SPATS2: variants seen among roughly 807,000 people sequenced by gnomAD.
The protein encoded by SPATS2 is spermatogenesis associated serine rich 2.
A neutral mutation model predicts 63.7 loss-of-function variants in SPATS2; 38 were observed. The ratio of observed to expected loss-of-function variants is 0.60; its 90% CI spans 0.46 to 0.78. SPATS2 has a LOEUF of 0.78. Among genes scored for constraint, SPATS2 ranks in the 30% least tolerant of loss-of-function variants. The pLI, the probability that SPATS2 is intolerant of heterozygous loss-of-function variation, is 0.00. For synonymous variants in SPATS2, 207 were observed against 232.9 expected (o/e 0.89, Z 1.01); for missense variants, 588 against 666.2 (o/e 0.88, Z 1.29).
At chr12:49,415,875 T>G (rs1257663451) in intron 2 of SPATS2, among the ~76,000 whole-genome samples, 3 of 152,136 alleles carry the variant, frequency 2.0e-5, no homozygotes, top group Admixed American at 2.0e-4. Context: ...CAGACTGTAG[T>G]TTGCTCATCT....
At chr12:49,438,835 T>C (rs7962951) in intron 2 of SPATS2, among the ~76,000 whole-genome samples, 44,861 of 152,082 alleles carry the variant, frequency 0.29, 8,968 homozygotes, top group African/African-American at 0.57. Context: ...TAATTTACTG[T>C]CTATCTGCTA....
intron 4 of SPATS2, chr12:49,486,343 A>G: frequency 2.7e-6 from 1 of 365,376 alleles, no homozygotes; most frequent in Non-Finnish European, 5.4e-6. Context: ...GTAGCTGGGG[A>G]TACAGGTGCG....
At chr12:49,452,043 G>GT (rs1046857733) in intron 2 of SPATS2, among the ~76,000 whole-genome samples, 9 of 151,996 alleles carry the variant, frequency 5.9e-5, no homozygotes, top group African/African-American at 1.9e-4. Flanking sequence ...AGATCTTCTG[G>GT]TTTTGGCTTT....
chr12:49,464,020 A>T (rs1424547530), intron 3 of SPATS2, among the ~76,000 whole-genome samples: 1 of 152,166 alleles, frequency 6.6e-6, no homozygotes, highest in Non-Finnish European at 1.5e-5. Flanking sequence ...TGTGAACTGG[A>T]GAAGTATATA....
chr12:49,481,189 G>T (rs1453016849), intron 3 of SPATS2, among the ~76,000 whole-genome samples: 1 of 152,054 alleles, frequency 6.6e-6, no homozygotes, highest in African/African-American at 2.4e-5. Context: ...GTGAAACCCT[G>T]TCTCTACTAA....
chr12:49,372,940 T>TGTGTG (rs1944024546), intron 2 of SPATS2, among the ~76,000 whole-genome samples: 2 of 130,138 alleles, frequency 1.5e-5, no homozygotes, highest in Non-Finnish European at 3.3e-5. Flanking sequence ...ATTTTCTGTT[T>TGTGTG]TGTGTGTGTG....
intron 2 of SPATS2, among the ~76,000 whole-genome samples, chr12:49,403,773 G>A (rs1488735619): frequency 6.6e-6 from 1 of 152,078 alleles, no homozygotes; most frequent in Non-Finnish European, 1.5e-5. Context: ...TAAGGAATTT[G>A]GGGCCTCAGC....
intron 2 of SPATS2, among the ~76,000 whole-genome samples, chr12:49,385,181 A>G (rs182981507): frequency 6.6e-6 from 1 of 152,178 alleles, no homozygotes; most frequent in African/African-American, 2.4e-5. Flanking sequence ...CTAAGCATGA[A>G]AATTCTTGCC....
At chr12:49,398,404 G>A (rs537687489) in intron 2 of SPATS2, among the ~76,000 whole-genome samples, 5 of 152,116 alleles carry the variant, frequency 3.3e-5, no homozygotes, top group Admixed American at 6.6e-5. Context: ...CAGAATATTG[G>A]TGTACTCCAG....
At chr12:49,453,856 C>CT (rs869155580) in intron 2 of SPATS2, among the ~76,000 whole-genome samples, 23,186 of 76,126 alleles carry the variant, frequency 0.3, 5,877 homozygotes, top group Non-Finnish European at 0.41. Flanking sequence ...AAATAGCATT[C>CT]TTTTTTTTTT....
chr12:49,392,750 C>T (rs2137254778), intron 2 of SPATS2, among the ~76,000 whole-genome samples: 1 of 151,776 alleles, frequency 6.6e-6, no homozygotes, highest in African/African-American at 2.4e-5. Flanking sequence ...ATTTCAAATC[C>T]ACAGATAAAA....
intron 6 of SPATS2, among the ~76,000 whole-genome samples, chr12:49,492,226 T>C (rs1231284463): frequency 6.6e-6 from 1 of 151,548 alleles, no homozygotes; most frequent in Non-Finnish European, 1.5e-5. Context: ...TTTCTTTTTT[T>C]TTTTTCTTTT....
intron 2 of SPATS2, among the ~76,000 whole-genome samples, chr12:49,436,356 G>A (rs1439578859): frequency 6.9e-6 from 1 of 145,620 alleles, no homozygotes; most frequent in East Asian, 2.1e-4. Context: ...CCGGGCAGAG[G>A]CGCCCCTCAT....
chr12:49,471,393 C>G (rs1946031466), intron 3 of SPATS2, among the ~76,000 whole-genome samples: 1 of 152,210 alleles, frequency 6.6e-6, no homozygotes, highest in South Asian at 2.1e-4. Context: ...GGCTGAAATG[C>G]AGTGGCACAG....
At chr12:49,370,648 T>C (rs1173642045) in intron 1 of SPATS2, among the ~76,000 whole-genome samples, 3 of 152,236 alleles carry the variant, frequency 2.0e-5, no homozygotes, top group Non-Finnish European at 4.4e-5. Flanking sequence ...ACAGTTGTTC[T>C]TGGTTATTTA....
At chr12:49,380,039 T>C (rs1944186550) in intron 2 of SPATS2, among the ~76,000 whole-genome samples, 1 of 152,214 alleles carries the variant, frequency 6.6e-6, no homozygotes, top group Admixed American at 6.5e-5. Flanking sequence ...TATGTGGATG[T>C]ACCTATTCTG....
chr12:49,476,921 C>G (rs1482325998), intron 3 of SPATS2, among the ~76,000 whole-genome samples: 1 of 152,136 alleles, frequency 6.6e-6, no homozygotes, highest in Non-Finnish European at 1.5e-5. Flanking sequence ...GCCTGACCAA[C>G]ATGGAGAAAC....
At chr12:49,387,419 C>G (rs2137224551) in intron 2 of SPATS2, among the ~76,000 whole-genome samples, 1 of 151,712 alleles carries the variant, frequency 6.6e-6, no homozygotes, top group East Asian at 1.9e-4. Flanking sequence ...GGTGGATCGC[C>G]TGGGGTTAGG....
intron 2 of SPATS2, among the ~76,000 whole-genome samples, chr12:49,395,601 T>C (rs1245146749): frequency 6.6e-6 from 1 of 151,678 alleles, no homozygotes; most frequent in Non-Finnish European, 1.5e-5. Flanking sequence ...TTTTTTTGTA[T>C]TTTTATTAGA....
Sources: gnomAD v4.1 joint callset for allele counts (sites outside exome capture counted in the v4.1 genomes callset) on GRCh38, gnomAD v4.1.1 for gene constraint, MANE v1.5 for transcripts, NCBI Gene and HGNC (gene_info 2026-07-23, HGNC 2026-07-21) for gene names.